TUBGCP2: variants seen among roughly 807,000 people sequenced by gnomAD.
The protein encoded by TUBGCP2 is tubulin gamma complex component 2, also known as gamma-tubulin complex component 2.
In TUBGCP2, 55 loss-of-function variants were observed where a neutral mutation model predicts 92.2. The observed-to-expected ratio is 0.60, with a 90% CI of 0.48 to 0.75. The LOEUF (loss-of-function observed/expected upper bound fraction) is 0.75, where lower values mean the gene tolerates loss of function less well. Ranked by LOEUF, TUBGCP2 falls within the 30% of genes least tolerant of loss-of-function variation. The pLI is 0.00. For synonymous variants in TUBGCP2, 533 were observed against 505.2 expected (o/e 1.06, Z -0.74); for missense variants, 1,093 against 1,188.9 (o/e 0.92, Z 1.19).
chr10:133,297,262 C>T (rs1040271259), intron 5 of TUBGCP2: 5 of 327,970 alleles, frequency 1.5e-5, no homozygotes, highest in Admixed American at 4.5e-5. Context: ...ATTAGCCAGG[C>T]GTGGTGGCGC....
intron 8 of TUBGCP2, chr10:133,291,019 C>T (rs74635489): frequency 0.12 from 22,193 of 190,856 alleles, 1,899 homozygotes; most frequent in Middle Eastern, 0.19. Context: ...GAAGAGAAGC[C>T]GACAGACCCC....
In TUBGCP2 at chr10:133,279,805, G is replaced by A. The variant is rs1206713679; in HGVS notation, c.2670C>T (p.Pro890=). Residue 890 remains proline (P), a synonymous_variant, in exon 18 of 18, where the codon CCC becomes CCT. Transcript: ENST00000252936. The part of the protein sequence containing the change: ...ATPQVPVLRG[P]PAPAPRVAVT... ...CTGCGACCCTGGGTGCAGGAGCCGG[G>A]GGCCCCCGCAGGACAGGCACTTGGG... The A allele has an allele frequency of 6.3e-7, 1 of 1,576,446 alleles. No homozygotes were observed. Among genetic ancestry groups the A allele is most frequent in the South Asian group, 1.2e-5 (1 of 86,636 alleles).
In TUBGCP2 at chr10:133,292,705, G is replaced by T; in HGVS notation, c.1025-17C>A. The T allele has an allele frequency of 6.2e-7, 1 of 1,608,812 alleles. No individual in the cohort carries two copies. The highest frequency in any genetic ancestry group is 8.5e-7 in the Non-Finnish European group (1 of 1,177,452). On this transcript the variant is annotated splice_polypyrimidine_tract_variant and intron_variant, in intron 7 of 17. Coordinates refer to ENST00000252936, the MANE Select transcript of TUBGCP2 (RefSeq NM_006659.4). ...CCGAGGTGGCTGTGGGGAGAAAGGA[G>T]GGCTCACTGCTGAGAAGGAAGCGCA...
At chr10:133,298,665 G>A (rs1412562724) in intron 4 of TUBGCP2, among the ~76,000 whole-genome samples, 1 of 152,252 alleles carries the variant, frequency 6.6e-6, no homozygotes, top group Non-Finnish European at 1.5e-5. Flanking sequence ...CCCAGCTTTC[G>A]GAAGCACTGA....
At position 133,302,760 on chromosome 10, in the gene TUBGCP2, C is replaced by T; in HGVS notation, c.150+32G>A. On this transcript the variant is annotated intron_variant, in intron 2 of 17. Coordinates refer to ENST00000252936, the MANE Select transcript of TUBGCP2 (RefSeq NM_006659.4). ...CCCTGACCCAGGAACAGTGCTCACCCTGCACAGCGCTACACCAAGGGCAGT... is the reference window on the plus strand; with the variant it reads ...CCCTGACCCAGGAACAGTGCTCACCTTGCACAGCGCTACACCAAGGGCAGT... 6.2e-7 allele frequency: 1 copy of T among 1,611,298 alleles called. No individual in the cohort carries two copies. Among genetic ancestry groups the T allele is most frequent in the South Asian group, 1.1e-5 (1 of 90,966 alleles).
rs1235410861 is a variant in TUBGCP2 at position 133,293,218 on chromosome 10, G to A, written c.845C>T (p.Ser282Phe). The A allele has an allele frequency of 6.2e-7, 1 of 1,613,700 alleles. No homozygotes were observed. The highest frequency in any genetic ancestry group is 8.5e-7 in the Non-Finnish European group (1 of 1,180,016). ...AVTRFIEEKS[S>F]FEYGQVNHAL... The stretch of plus-strand genomic sequence containing the variant: ...GTGGTTCACCTGCCCGTACTCGAAG[G>A]AAGACTTCTCTTCAATGAACCTGGA... The change falls in exon 7 of 18, where the codon TCC (serine) becomes TTC (phenylalanine). Residue 282 changes from serine (S) to phenylalanine (F), a missense_variant. This residue lies in a region of TUBGCP2 where 490 missense variants were observed against 488.5 expected (regional missense o/e 1.00). Transcript: ENST00000252936.
chr10:133,311,672 G>A (rs1847991066), upstream of TUBGCP2: 27 of 1,527,378 alleles, frequency 1.8e-5, no homozygotes, highest in African/African-American at 4.1e-5. Context: ...CACAGGGGCT[G>A]TGGGAGCCGT....
chr10:133,280,347 G>T (rs1846935959), intron 17 of TUBGCP2, among the ~76,000 whole-genome samples: 1 of 152,194 alleles, frequency 6.6e-6, no homozygotes, highest in East Asian at 1.9e-4. Context: ...ATGCAGGGTG[G>T]CCTCAGAAAT....
At chr10:133,310,567 C>T, upstream of TUBGCP2, 1 of 464,686 alleles carries the variant, frequency 2.2e-6, no homozygotes, top group Non-Finnish European at 4.0e-6. Context: ...AGCGCCTCCG[C>T]ACTCACACCC....
intron 2 of TUBGCP2, among the ~76,000 whole-genome samples, chr10:133,301,034 C>T (rs1847638997): frequency 6.6e-6 from 1 of 152,088 alleles, no homozygotes; most frequent in Non-Finnish European, 1.5e-5. Flanking sequence ...CGTTCATTGT[C>T]TGCATCTCAC....
At chr10:133,291,243 GTGTCCCCCATGTCCCTCCGTGTCCCCCA>G (rs144512708) in intron 8 of TUBGCP2, among the ~76,000 whole-genome samples, 3,660 of 106,646 alleles carry the variant, frequency 0.034, 99 homozygotes, top group Admixed American at 0.052. Context: ...CGCGCCCTCC[GTGTCCCCCATGTCCCTCCGTGTCCCCCA>G]TGTCCCTCCG....
At chr10:133,310,289 G>T (rs773215223), upstream of TUBGCP2, 3 of 1,613,756 alleles carry the variant, frequency 1.9e-6, no homozygotes, top group Non-Finnish European at 2.5e-6. Context: ...AAAGCAGAAG[G>T]TAGGGAGCCG....
upstream of TUBGCP2, chr10:133,309,331 T>G: frequency 2.5e-6 from 4 of 1,572,744 alleles, no homozygotes; most frequent in Non-Finnish European, 2.6e-6. Context: ...GGGCGAGGCC[T>G]GACGCGGTGG....
intron 8 of TUBGCP2, among the ~76,000 whole-genome samples, chr10:133,291,288 T>TCTGTGTCCCC (rs1405367646): frequency 4.2e-4 from 25 of 59,664 alleles, no homozygotes; most frequent in African/African-American, 6.4e-4. Context: ...TCCGTGTCCC[T>TCTGTGTCCCC]GTGTCCCGGG....
intron 11 of TUBGCP2, among the ~76,000 whole-genome samples, chr10:133,286,431 G>C (rs533434876): frequency 9.8e-5 from 15 of 152,342 alleles, no homozygotes; most frequent in African/African-American, 3.6e-4. Flanking sequence ...ATGACAAGGA[G>C]AAAAGCAGTT....
chr10:133,307,414 C>T (rs984730014), intron 1 of TUBGCP2, among the ~76,000 whole-genome samples: 1 of 152,250 alleles, frequency 6.6e-6, no homozygotes, highest in South Asian at 2.1e-4. Flanking sequence ...AAAAGAGTCT[C>T]TGTTGAGAGC....
chr10:133,293,738 G>A lies in TUBGCP2; in HGVS notation c.648C>T (p.Ala216=), dbSNP rs547375200. The A allele has an allele frequency of 1.7e-4, 268 of 1,599,820 alleles. 1 individual carries two copies. The Admixed American group carries it at 3.3e-3, about 19-fold the overall frequency. The change falls in exon 6 of 18, where the codon GCC becomes GCT. Residue 216 remains alanine (A), a synonymous_variant. Coordinates refer to ENST00000252936, the MANE Select transcript of TUBGCP2 (RefSeq NM_006659.4). ...GTLPLASQES[A]VVEDLLYVLV... ...GCACGTACAGCAGGTCCTCCACCACGGCCGACTCCTGCGAGGCCAGGGGCA... is the reference window on the plus strand; with the variant it reads ...GCACGTACAGCAGGTCCTCCACCACAGCCGACTCCTGCGAGGCCAGGGGCA...
In TUBGCP2 at chr10:133,285,431, A is replaced by C. The variant is rs1643488466; in HGVS notation, c.1895+25T>G. 1.2e-6 allele frequency: 2 copies of C among 1,612,888 alleles called. No individual in the cohort carries two copies. Among genetic ancestry groups the C allele is most frequent in the Admixed American group, 3.3e-5 (2 of 59,976 alleles). ...TGCCAAACCTGAGTGAAGATCTGGCAGGTGCCCGAGCAGCCGACCCGCACC... is the reference window on the plus strand; with the variant it reads ...TGCCAAACCTGAGTGAAGATCTGGCCGGTGCCCGAGCAGCCGACCCGCACC... On this transcript the variant is annotated intron_variant, in intron 12 of 17. Coordinates refer to ENST00000252936, the MANE Select transcript of TUBGCP2 (RefSeq NM_006659.4). This position sits in a 1 kb window ranked among gnomAD's most constrained non-coding sequence, Gnocchi z 6.8.
chr10:133,279,905 T>A lies in TUBGCP2; in HGVS notation c.2574-4A>T. ...GTAGAAACCATTGAAGTCAAGCCTGTGAGGAAGGACAGTGGAGCTGGGGTG... is the reference window on the plus strand; with the variant it reads ...GTAGAAACCATTGAAGTCAAGCCTGAGAGGAAGGACAGTGGAGCTGGGGTG... On this transcript the variant is annotated splice_polypyrimidine_tract_variant and splice_region_variant and intron_variant, in intron 17 of 17. Coordinates refer to ENST00000252936, the MANE Select transcript of TUBGCP2 (RefSeq NM_006659.4). The A allele has an allele frequency of 6.2e-7, 1 of 1,609,240 alleles. No individual in the cohort carries two copies. Among genetic ancestry groups the A allele is most frequent in the Non-Finnish European group, 8.5e-7 (1 of 1,178,284 alleles).
Sources: gnomAD v4.1 joint callset for allele counts (sites outside exome capture counted in the v4.1 genomes callset) on GRCh38, gnomAD v4.1.1 for gene constraint, gnomAD v4.1.1 regional missense constraint, Gnocchi (gnomAD v3.1) non-coding constraint, MANE v1.5 for transcripts, NCBI Gene and HGNC (gene_info 2026-07-23, HGNC 2026-07-21) for gene names.